Variants in PCDHGA3 observed in about 807,000 individuals in gnomAD.
The protein encoded by PCDHGA3 is protocadherin gamma subfamily A, 3, also known as protocadherin gamma-A3.
In PCDHGA3, 40 loss-of-function variants were observed where a neutral mutation model predicts 58.5. That is an observed-to-expected ratio of 0.68 (90% confidence interval 0.53 to 0.89). PCDHGA3 has a LOEUF of 0.89. Among genes scored for constraint, PCDHGA3 ranks in the 40% least tolerant of loss-of-function variants. The pLI, the probability that PCDHGA3 is intolerant of heterozygous loss-of-function variation, is 0.00. For missense variants in PCDHGA3, 1,223 were observed against 1,195.9 expected (o/e 1.02, Z -0.33); for synonymous variants, 530 against 525.7 (o/e 1.01, Z -0.11).
intron 1 of PCDHGA3, among the ~76,000 whole-genome samples, chr5:141,425,812 G>A (rs1472168775): frequency 6.6e-6 from 1 of 152,054 alleles, no homozygotes; most frequent in African/African-American, 2.4e-5. Context: ...CTTCTGCTTA[G>A]AAAAAAACAA....
rs775312856 is a variant in PCDHGA3, at chr5:141,485,899, C to G, written c.2425-8908C>G. 1.9e-6 allele frequency: 3 copies of G among 1,614,166 alleles called. No homozygotes were observed. Among genetic ancestry groups the G allele is most frequent in the Non-Finnish European group, 2.5e-6 (3 of 1,180,032 alleles). ...ACGTAAACGACAACGCCCCAGCCTT[C>G]CAGCAATCCAGCTACAGGATTAGTG... On this transcript the variant is annotated intron_variant, in intron 1 of 3. Transcript: ENST00000253812. The surrounding 1 kb of genome is among the most constrained non-coding windows in gnomAD (Gnocchi z 5.7).
intron 1 of PCDHGA3, among the ~76,000 whole-genome samples, chr5:141,436,848 AT>A (rs1247905529): frequency 6.6e-6 from 1 of 152,244 alleles, no homozygotes; most frequent in African/African-American, 2.4e-5. Flanking sequence ...CACATTCTTG[AT>A]TGAGAAGCCA....
intron 1 of PCDHGA3, chr5:141,384,992 C>A (rs536147893): frequency 6.2e-7 from 1 of 1,614,146 alleles, no homozygotes; most frequent in Admixed American, 1.7e-5. Context: ...GTGGCGGTGG[C>A]CACAGTCTCC....
At chr5:141,365,555 G>A in intron 1 of PCDHGA3, 2 of 1,613,642 alleles carry the variant, frequency 1.2e-6, no homozygotes, top group South Asian at 1.1e-5. Context: ...AACAACTAGG[G>A]ACCTGGACAG....
At chr5:141,415,477 C>T in intron 1 of PCDHGA3, 1 of 1,614,184 alleles carries the variant, frequency 6.2e-7, no homozygotes, top group Non-Finnish European at 8.5e-7. Flanking sequence ...CGCGGACTCG[C>T]GAAAGAGTCA....
At position 141,486,272 on chromosome 5, in the gene PCDHGA3, A is replaced by C. The variant is rs2099627166; in HGVS notation, c.2425-8535A>C. On this transcript the variant is annotated intron_variant, in intron 1 of 3. Transcript: ENST00000253812. The surrounding 1 kb of genome is among the most constrained non-coding windows in gnomAD (Gnocchi z 5.0). ...CCTCCCCGAGAGTGCAGAACCTGGC[A>C]CTGTGGTGGCACTTATCAGTGTGCA... 1 of 1,613,886 alleles carries C rather than the reference A, an allele frequency of 6.2e-7. No individual in the cohort carries two copies. Among genetic ancestry groups the C allele is most frequent in the Non-Finnish European group, 8.5e-7 (1 of 1,179,986 alleles).
At chr5:141,469,372 C>A (rs780872014) in intron 1 of PCDHGA3, among the ~76,000 whole-genome samples, 1 of 151,990 alleles carries the variant, frequency 6.6e-6, no homozygotes, top group East Asian at 1.9e-4. Context: ...GTAAAGAGAT[C>A]GAGACCATCC....
chr5:141,478,148 C>T lies in PCDHGA3; in HGVS notation c.2425-16659C>T, dbSNP rs752958567. ...CTCTCCTGAAGCCCGAGCCGAGTTC[C>T]CCTCTGGCTCTGCCCCCCGGGAGCA... On this transcript the variant is annotated intron_variant, in intron 1 of 3. Coordinates refer to ENST00000253812, the MANE Select transcript of PCDHGA3 (RefSeq NM_018916.4). 3.1e-6 allele frequency: 5 copies of T among 1,613,948 alleles called. No homozygotes were observed. The highest frequency in any genetic ancestry group is 1.6e-4 in the Middle Eastern group (1 of 6,082).
intron 3 of PCDHGA3, 137 bp from the exon 4 acceptor site, chr5:141,510,810 A>T: frequency 6.6e-7 from 1 of 1,519,768 alleles, no homozygotes; most frequent in African/African-American, 1.4e-5. Context: ...TACCTTGGTG[A>T]CCCCTATATT....
chr5:141,429,395 A>AAT (rs2097212201), intron 1 of PCDHGA3, among the ~76,000 whole-genome samples: 7 of 152,008 alleles, frequency 4.6e-5, no homozygotes, highest in African/African-American at 1.7e-4. Flanking sequence ...TTTAAAAAAA[A>AAT]TTGAGATTAA....
chr5:141,438,344 C>A (rs1591501799), intron 1 of PCDHGA3, among the ~76,000 whole-genome samples: 1 of 151,664 alleles, frequency 6.6e-6, no homozygotes, highest in African/African-American at 2.4e-5. Flanking sequence ...ATATAAGGAT[C>A]TACTCTGTGT....
chr5:141,400,590 T>A, intron 1 of PCDHGA3: 3 of 1,604,846 alleles, frequency 1.9e-6, no homozygotes, highest in Non-Finnish European at 2.6e-6. Context: ...CATGAAACTA[T>A]CGTACATTTT....
At chr5:141,346,575 T>A in intron 1 of PCDHGA3, 118 bp downstream of exon 1, 3 of 1,406,508 alleles carry the variant, frequency 2.1e-6, no homozygotes, top group Non-Finnish European at 2.9e-6. Context: ...GTCCTTTGAC[T>A]AAATATTTGT....
intron 1 of PCDHGA3, among the ~76,000 whole-genome samples, chr5:141,359,737 A>G (rs1761307035): frequency 6.6e-6 from 1 of 152,224 alleles, no homozygotes; most frequent in African/African-American, 2.4e-5. Flanking sequence ...CCCCTGTGAA[A>G]GCATTTCTCC....
chr5:141,480,402 G>A (rs1268532373), intron 1 of PCDHGA3, among the ~76,000 whole-genome samples: 2 of 145,838 alleles, frequency 1.4e-5, no homozygotes, highest in African/African-American at 2.6e-5. Flanking sequence ...GCAATAGAGT[G>A]AGACCCTGTC....
intron 1 of PCDHGA3, chr5:141,350,852 G>A: frequency 6.2e-7 from 1 of 1,614,062 alleles, no homozygotes; most frequent in Non-Finnish European, 8.5e-7. Flanking sequence ...AAAACCTCTA[G>A]ACAGGGAACA....
chr5:141,376,204 C>A lies in PCDHGA3; in HGVS notation c.2424+29747C>A, dbSNP rs185484474. 2.5e-6 allele frequency: 4 copies of A among 1,614,198 alleles called. No individual in the cohort carries two copies. In the African/African-American group the frequency reaches 5.3e-5, roughly 22 times the overall value. On this transcript the variant is annotated intron_variant, in intron 1 of 3. Coordinates refer to ENST00000253812, the MANE Select transcript of PCDHGA3 (RefSeq NM_018916.4). The stretch of plus-strand genomic sequence containing the variant: ...CGGTCTCCTGCGTCTTCCTGGCCTT[C>A]GTCATCGTGCTGCTGGCGCTCAGAC...
intron 1 of PCDHGA3, chr5:141,415,423 G>A: frequency 1.2e-6 from 2 of 1,614,204 alleles, no homozygotes; most frequent in Non-Finnish European, 1.7e-6. Context: ...CGTGGACGGG[G>A]TTCGGGCTTT....
chr5:141,372,199 C>A (rs1366394152), intron 1 of PCDHGA3: 1 of 1,613,572 alleles, frequency 6.2e-7, no homozygotes, highest in Non-Finnish European at 8.5e-7. Context: ...GGATACAACG[C>A]CTGGCTGTCC....
Sources: allele counts gnomAD v4.1 joint callset (sites outside exome capture counted in the v4.1 genomes callset), GRCh38; gene constraint gnomAD v4.1.1; non-coding constraint Gnocchi (gnomAD v3.1); transcripts MANE v1.5; gene names NCBI Gene and HGNC (gene_info 2026-07-23, HGNC 2026-07-21).